Variants in ADARB2 observed in about 807,000 individuals in gnomAD.
The protein encoded by ADARB2 is inactive double-stranded RNA-specific editase B2.
ADARB2 carries 25 observed loss-of-function variants against 62.2 expected under a neutral mutation model. The ratio of observed to expected loss-of-function variants is 0.40; its 90% CI spans 0.29 to 0.56. The LOEUF (loss-of-function observed/expected upper bound fraction) is 0.56. Ranked by LOEUF, ADARB2 falls within the 20% of genes least tolerant of loss-of-function variation. ADARB2 has a pLI of 0.43. For missense variants in ADARB2, 1,071 were observed against 1,077.4 expected, an observed-to-expected ratio of 0.99 and a Z score of 0.08; for synonymous variants, 572 against 500.8, an observed-to-expected ratio of 1.14 and a Z score of -1.90.
At position 1,461,337 on chromosome 10, in the gene ADARB2, C is replaced by T. The variant is rs1391136197; in HGVS notation, c.101-82177G>A. Among the ~76,000 whole-genome samples, 4 of 152,172 alleles carry T rather than the reference C, an allele frequency of 2.6e-5. No homozygotes were observed. In the East Asian group the frequency reaches 7.7e-4, roughly 29 times the overall value. On this transcript the variant is annotated intron_variant, in intron 1 of 9. Coordinates refer to ENST00000381312, the MANE Select transcript of ADARB2 (RefSeq NM_018702.4). ...AGAACACGTGTACTTGTCAGGCCTG[C>T]AGTCCTGATGTTTGGTTCAGAAAAT... is the stretch of plus-strand genomic sequence containing the variant.
intron 2 of ADARB2, among the ~76,000 whole-genome samples, chr10:1,371,153 A>T (rs1832366607): frequency 6.6e-6 from 1 of 152,256 alleles, no homozygotes; most frequent in African/African-American, 2.4e-5. Flanking sequence ...GTCTCCAGCC[A>T]TCTGGTCCTC....
At position 1,257,531 on chromosome 10, in the gene ADARB2, TGTCATCA is replaced by T. The variant is rs369998515; in HGVS notation, c.1192+13417_1192+13423del. ...GCCTGCCTCCATGCACACCTCTTCC[TGTCATCA>T]GTGTGATGAAGCTGCTGCAGGGGCT... On this transcript the variant is annotated intron_variant, in intron 4 of 9. Coordinates refer to ENST00000381312, the MANE Select transcript of ADARB2 (RefSeq NM_018702.4). 2.2e-3 allele frequency among the ~76,000 whole-genome samples: 340 copies of T among 152,302 alleles called. 1 individual carries two copies. The highest frequency in any genetic ancestry group is 7.7e-3 in the African/African-American group (320 of 41,578).
chr10:1,537,131 C>A (rs1832343492), intron 1 of ADARB2, among the ~76,000 whole-genome samples: 1 of 152,160 alleles, frequency 6.6e-6, no homozygotes, highest in Admixed American at 6.6e-5. Flanking sequence ...AAACAAACAA[C>A]CCCGTCAAAA....
At chr10:1,391,712 A>C (rs941995743) in intron 1 of ADARB2, among the ~76,000 whole-genome samples, 1 of 151,564 alleles carries the variant, frequency 6.6e-6, no homozygotes, top group Non-Finnish European at 1.5e-5. Flanking sequence ...ATTGGCTGGA[A>C]GTTTCAATAA....
chr10:1,370,366 G>T (rs1832357805), intron 2 of ADARB2, among the ~76,000 whole-genome samples: 1 of 152,184 alleles, frequency 6.6e-6, no homozygotes, highest in African/African-American at 2.4e-5. Context: ...GGGAAAAGTT[G>T]AAAGCATTTC....
chr10:1,611,168 G>A (rs1431036411), intron 1 of ADARB2, among the ~76,000 whole-genome samples: 1 of 152,202 alleles, frequency 6.6e-6, no homozygotes, highest in African/African-American at 2.4e-5. Flanking sequence ...AAAGGCTGAG[G>A]AGTGTCACAG....
chr10:1,441,338 C>T (rs1317419404), intron 1 of ADARB2, among the ~76,000 whole-genome samples: 3 of 152,194 alleles, frequency 2.0e-5, no homozygotes, highest in Admixed American at 2.0e-4. Flanking sequence ...TTCAGATGCA[C>T]TGTTTTTAAC....
Position 1,233,978 on chromosome 10 carries a change from C to CTTTTTTTTTTTTTTTTTTTTTTTTT in ADARB2, c.1362-134_1362-133insAAAAAAAAAAAAAAAAAAAAAAAAA, listed in dbSNP as rs1589160330. On this transcript the variant is annotated intron_variant, in intron 5 of 9. Transcript: ENST00000381312. ...CTTTATATTTTTCCTTTTTTTTTTC[C>CTTTTTTTTTTTTTTTTTTTTTTTTT]TTTTTTTTTTGAGACGGAGTCTTGT... The CTTTTTTTTTTTTTTTTTTTTTTTTT allele has an allele frequency of 4.6e-6, 2 of 433,412 alleles. 1 individual carries two copies. 26.8% of individuals were successfully genotyped at this position (433,412 alleles called of 1,614,324 possible).
chr10:1,287,516 G>T (rs1301213295), intron 3 of ADARB2, among the ~76,000 whole-genome samples: 1 of 152,160 alleles, frequency 6.6e-6, no homozygotes, highest in Non-Finnish European at 1.5e-5. Flanking sequence ...CGCGTGCTCT[G>T]ACGGACATCC....
chr10:1,500,150 C>T (rs1482085279), intron 1 of ADARB2, among the ~76,000 whole-genome samples: 3 of 152,222 alleles, frequency 2.0e-5, no homozygotes, highest in African/African-American at 4.8e-5. Flanking sequence ...AGGCCTGGGT[C>T]CCTGCTTCTG....
At chr10:1,707,328 C>T (rs1262476678) in intron 1 of ADARB2, among the ~76,000 whole-genome samples, 1 of 152,236 alleles carries the variant, frequency 6.6e-6, no homozygotes, top group Non-Finnish European at 1.5e-5. Flanking sequence ...GTGTGTCCCA[C>T]GGGGCTTCAA....
rs192474754 is a variant in ADARB2, at chr10:1,568,363, C to T, written c.100+168688G>A. Among the ~76,000 whole-genome samples the T allele has an allele frequency of 2.0e-5, 3 of 152,288 alleles. No homozygotes were observed. In the East Asian group the frequency reaches 5.8e-4, roughly 29 times the overall value. ...AGAAAAGCAGCACCGATGGTCCAGC[C>T]GGAGGGGCCTCAGCGAACACACGGT... On this transcript the variant is annotated intron_variant, in intron 1 of 9. Coordinates refer to ENST00000381312, the MANE Select transcript of ADARB2 (RefSeq NM_018702.4).
intron 1 of ADARB2, among the ~76,000 whole-genome samples, chr10:1,382,124 CAAAT>C (rs1832488752): frequency 1.3e-5 from 2 of 151,682 alleles, no homozygotes; most frequent in African/African-American, 2.4e-5. Flanking sequence ...TTTTATTTGT[CAAAT>C]AAACATTTTA....
At chr10:1,287,332 TGG>T (rs1831423153) in intron 3 of ADARB2, among the ~76,000 whole-genome samples, 7 of 152,222 alleles carry the variant, frequency 4.6e-5, no homozygotes. Flanking sequence ...ATACACATTG[TGG>T]GATGATCATA....
rs1564258790 is a variant in ADARB2, at chr10:1,327,845, T to TCCTCACAGCTCAGC, written c.1077+35182_1077+35183insGCTGAGCTGTGAGG. Among the ~76,000 whole-genome samples the TCCTCACAGCTCAGC allele has an allele frequency of 6.2e-4, 21 of 34,080 alleles. 1 individual carries two copies. The highest frequency in any genetic ancestry group is 2.3e-3 in the African/African-American group (19 of 8,184). The allele number at this position is 34,080 out of a possible 152,430, so 22.4% of individuals were successfully genotyped here. On this transcript the variant is annotated intron_variant, in intron 3 of 9. Coordinates refer to ENST00000381312, the MANE Select transcript of ADARB2 (RefSeq NM_018702.4). ...CACAGCTCAGCACCTCACAGCTCAGTGCCTCCTCACAGCTCAGCGCCTCCT... is the reference window on the plus strand; with the variant it reads ...CACAGCTCAGCACCTCACAGCTCAGTCCTCACAGCTCAGCGCCTCCTCACAGCTCAGCGCCTCCT...
intron 1 of ADARB2, among the ~76,000 whole-genome samples, chr10:1,385,727 A>T (rs1832520300): frequency 1.3e-5 from 2 of 152,200 alleles, no homozygotes; most frequent in Admixed American, 6.5e-5. Flanking sequence ...AATATACTTT[A>T]AATAATAGTT....
chr10:1,474,316 G>A (rs1027784591), intron 1 of ADARB2, among the ~76,000 whole-genome samples: 1 of 152,212 alleles, frequency 6.6e-6, no homozygotes, highest in Non-Finnish European at 1.5e-5. Flanking sequence ...GCCCTGGGGA[G>A]GGTGAGAGGA....
At chr10:1,508,344 A>G (rs1235409164) in intron 1 of ADARB2, among the ~76,000 whole-genome samples, 1 of 152,232 alleles carries the variant, frequency 6.6e-6, no homozygotes, top group Non-Finnish European at 1.5e-5. Context: ...GGCTTGGCCA[A>G]GCTATGTGTG....
At chr10:1,198,787 A>G (rs1273516918) in intron 8 of ADARB2, among the ~76,000 whole-genome samples, 1 of 152,178 alleles carries the variant, frequency 6.6e-6, no homozygotes, top group Non-Finnish European at 1.5e-5. Context: ...ATTTATGTTG[A>G]CATGTTCCCA....
Sources: gnomAD v4.1 joint callset for allele counts (sites outside exome capture counted in the v4.1 genomes callset) on GRCh38, gnomAD v4.1.1 for gene constraint, MANE v1.5 for transcripts, NCBI Gene and HGNC (gene_info 2026-07-23, HGNC 2026-07-21) for gene names.